Variants in GRK7 observed in about 807,000 individuals in gnomAD.
GRK7 encodes rhodopsin kinase GRK7.
In GRK7, 24 loss-of-function variants were observed where a neutral mutation model predicts 34.1. That is an observed-to-expected ratio of 0.70 (90% CI 0.51 to 0.99). GRK7 has a LOEUF of 0.99. Ranked by LOEUF, GRK7 falls within the 50% of genes least tolerant of loss-of-function variation. GRK7 has a pLI of 0.00. For synonymous variants in GRK7, 256 were observed against 279.4 expected (o/e 0.92, Z 0.84); for missense variants, 644 against 707.3 (o/e 0.91, Z 1.02).
Position 141,764,951 on chromosome 3 carries a change from C to T in GRK7, c.-1002C>T, listed in dbSNP as rs2084573321. Among the ~76,000 whole-genome samples, 1 of 152,178 alleles carries T rather than the reference C, an allele frequency of 6.6e-6. No homozygotes were observed. The highest frequency in any genetic ancestry group is 2.1e-4 in the South Asian group (1 of 4,832). On this transcript the variant is annotated 5_prime_UTR_variant, in exon 1 of 6. Transcript: ENST00000682958. ...CCATAAGCAAACTATCTTCCCCCTCCCCTGATTTCTCACCAGGGTTACTGC... is the reference window on the plus strand; with the variant it reads ...CCATAAGCAAACTATCTTCCCCCTCTCCTGATTTCTCACCAGGGTTACTGC...
intron 1 of GRK7, among the ~76,000 whole-genome samples, 114 bp from the exon 2 acceptor site, chr3:141,774,466 T>C (rs1010134735): frequency 6.6e-6 from 1 of 152,056 alleles, no homozygotes; most frequent in Non-Finnish European, 1.5e-5. Context: ...AAATGTTTCA[T>C]TTTAAATAGA....
chr3:141,753,014 T>C, the GRK7 span, among the ~76,000 whole-genome samples: 1 of 152,176 alleles, frequency 6.6e-6, no homozygotes, highest in Non-Finnish European at 1.5e-5. Flanking sequence ...ACATTTCTGT[T>C]GTTTCAGCCA....
intron 1 of GRK7, among the ~76,000 whole-genome samples, 34 bp from the exon 2 acceptor site, chr3:141,774,546 A>G (rs1474251121): frequency 6.6e-6 from 1 of 152,168 alleles, no homozygotes; most frequent in Non-Finnish European, 1.5e-5. Context: ...AAGCTTAAAT[A>G]TCTCTGTGAT....
chr3:141,756,538 A>G, the GRK7 span, among the ~76,000 whole-genome samples: 1 of 152,284 alleles, frequency 6.6e-6, no homozygotes. Context: ...GGGCATGGGA[A>G]ACTTTCAGCA....
intron 4 of GRK7, among the ~76,000 whole-genome samples, chr3:141,804,249 T>C (rs1438473705): frequency 6.6e-6 from 1 of 152,106 alleles, no homozygotes; most frequent in African/African-American, 2.4e-5. Flanking sequence ...CTGGGAGAGA[T>C]GTTGTCTTTA....
chr3:141,756,762 T>G, the GRK7 span, among the ~76,000 whole-genome samples: 1 of 152,198 alleles, frequency 6.6e-6, no homozygotes, highest in African/African-American at 2.4e-5. Context: ...AGAAAATGCA[T>G]TAATGGTGTT....
rs1049196933 is a variant in GRK7 at position 141,764,601 on chromosome 3, C to G, written c.-1352C>G. ...TCTAGGGCTCAGTCCTTAGATTTCT[C>G]TGCCCTCACCCCAGAGTGATCACAC... On this transcript the variant is annotated 5_prime_UTR_variant, in exon 1 of 6. Coordinates refer to ENST00000682958, the MANE Select transcript of GRK7 (RefSeq NM_139209.3). Among the ~76,000 whole-genome samples the G allele has an allele frequency of 1.3e-5, 2 of 152,164 alleles. No homozygotes were observed.
Position 141,792,409 on chromosome 3 carries a change from A to C in GRK7, c.1050+11598A>C, listed in dbSNP as rs1301251811. On this transcript the variant is annotated intron_variant, in intron 4 of 5. Transcript: ENST00000682958. ...ACAGAGCAAGATTTTGTCTCAAAAAAAAAAAAAAAAGGGAACTTAATAATC... is the reference window on the plus strand; with the variant it reads ...ACAGAGCAAGATTTTGTCTCAAAAACAAAAAAAAAAGGGAACTTAATAATC... 2.0e-5 allele frequency among the ~76,000 whole-genome samples: 3 copies of C among 152,072 alleles called. No individual in the cohort carries two copies. In the East Asian group the frequency reaches 5.8e-4, roughly 29 times the overall value.
At chr3:141,762,389 G>C (rs954079270), upstream of GRK7, among the ~76,000 whole-genome samples, 27 of 145,348 alleles carry the variant, frequency 1.9e-4, no homozygotes, top group South Asian at 7.3e-4. Context: ...AGGTGTCAGT[G>C]TGCCCCTGCT....
chr3:141,782,196 T>C (rs1418901142), intron 4 of GRK7, among the ~76,000 whole-genome samples: 2 of 152,104 alleles, frequency 1.3e-5, no homozygotes, highest in Non-Finnish European at 2.9e-5. Flanking sequence ...GGAAGTTAGA[T>C]GGTAGGTGGG....
chr3:141,750,536 C>T, the GRK7 span, among the ~76,000 whole-genome samples: 1 of 152,102 alleles, frequency 6.6e-6, no homozygotes, highest in Admixed American at 6.5e-5. Context: ...TAAATAAATG[C>T]ATTTTAACTG....
intron 4 of GRK7, among the ~76,000 whole-genome samples, chr3:141,798,153 T>G (rs1710914550): frequency 6.6e-6 from 1 of 152,206 alleles, no homozygotes; most frequent in Non-Finnish European, 1.5e-5. Context: ...CTTGGGATCT[T>G]AATCACACCT....
At chr3:141,805,078 G>T (rs1279654200) in intron 4 of GRK7, among the ~76,000 whole-genome samples, 1 of 131,136 alleles carries the variant, frequency 7.6e-6, no homozygotes, top group African/African-American at 2.9e-5. Flanking sequence ...ACACACACAC[G>T]CACATACACT....
chr3:141,817,585 A>T lies in GRK7; in HGVS notation c.*535A>T, dbSNP rs1338938582. ...TGTTTTAAATCACAGAATAATTTTC[A>T]ATTTCAGTGACAGTTTCTTTTGCAA... On this transcript the variant is annotated 3_prime_UTR_variant, in exon 6 of 6. Transcript: ENST00000682958. The T allele has an allele frequency of 2.0e-5, 3 of 152,278 alleles. No homozygotes were observed. The highest frequency in any genetic ancestry group is 7.2e-5 in the African/African-American group (3 of 41,460). 9.4% of individuals were successfully genotyped at this position (152,278 alleles called of 1,614,324 possible).
At chr3:141,801,090 C>T (rs2107889892) in intron 4 of GRK7, among the ~76,000 whole-genome samples, 1 of 152,096 alleles carries the variant, frequency 6.6e-6, no homozygotes, top group Middle Eastern at 3.4e-3. Flanking sequence ...GCGGGCGGAT[C>T]ACAAGGTCCT....
the GRK7 span, among the ~76,000 whole-genome samples, chr3:141,752,800 G>A: frequency 6.6e-6 from 1 of 152,166 alleles, no homozygotes; most frequent in African/African-American, 2.4e-5. Context: ...AACCCCCAAT[G>A]TGATTATATT....
chr3:141,749,984 T>C, the GRK7 span, among the ~76,000 whole-genome samples: 1 of 150,250 alleles, frequency 6.7e-6, no homozygotes. Context: ...GCCACTGCAC[T>C]CCAGCCTGGG....
At chr3:141,768,993 C>T (rs2084603500) in intron 1 of GRK7, among the ~76,000 whole-genome samples, 2 of 152,114 alleles carry the variant, frequency 1.3e-5, no homozygotes, top group South Asian at 4.2e-4. Context: ...TCCAGTCTCA[C>T]TCCCTTCTCT....
chr3:141,788,462 C>G lies in GRK7; in HGVS notation c.1050+7651C>G, dbSNP rs182273871. On this transcript the variant is annotated intron_variant, in intron 4 of 5. Transcript: ENST00000682958. Reference sequence around the variant, plus strand: ...CCCTGGCCTCTTACCTGGGCTCCATCAAGATCCAGACCTTTACATGCTTCT... The same window carrying G: ...CCCTGGCCTCTTACCTGGGCTCCATGAAGATCCAGACCTTTACATGCTTCT... Among the ~76,000 whole-genome samples, 5 of 152,264 alleles carry G rather than the reference C, an allele frequency of 3.3e-5. No individual in the cohort carries two copies. The East Asian group carries it at 9.7e-4, about 29-fold the overall frequency.
Sources: gnomAD v4.1 joint callset for allele counts (sites outside exome capture counted in the v4.1 genomes callset) on GRCh38, gnomAD v4.1.1 for gene constraint, MANE v1.5 for transcripts, NCBI Gene and HGNC (gene_info 2026-07-23, HGNC 2026-07-21) for gene names.